The following UTRN variants were observed in gnomAD, a reference collection of about 807,000 sequenced individuals.
The protein encoded by UTRN is utrophin.
UTRN carries 283 observed loss-of-function variants against 463.9 expected under a neutral mutation model. The observed-to-expected ratio is 0.61, with a 90% CI of 0.55 to 0.67. UTRN has a LOEUF of 0.67. Among genes scored for constraint, UTRN ranks in the 30% least tolerant of loss-of-function variants. The pLI is 0.00. For missense variants in UTRN, 3,922 were observed against 4,084.3 expected, an observed-to-expected ratio of 0.96 and a Z score of 1.08; for synonymous variants, 1,442 against 1,431.5, an observed-to-expected ratio of 1.01 and a Z score of -0.17.
intron 51 of UTRN, among the ~76,000 whole-genome samples, chr6:144,677,491 AC>A (rs1781753442): frequency 6.6e-6 from 1 of 152,176 alleles, no homozygotes; most frequent in Non-Finnish European, 1.5e-5. Context: ...TATATGTGCC[AC>A]ATTTGCTTTA....
intron 25 of UTRN, 150 bp downstream of exon 25, chr6:144,474,909 AG>A: frequency 1.3e-6 from 1 of 775,144 alleles, no homozygotes. Context: ...CCAAAAAAAA[AG>A]GCATCATTTT....
intron 2 of UTRN, chr6:144,398,028 C>A: frequency 4.3e-6 from 1 of 234,290 alleles, no homozygotes; most frequent in South Asian, 7.6e-5. Context: ...GTCTCCTGCT[C>A]ACCATTGCTG....
chr6:144,580,562 A>T (rs964593771), intron 51 of UTRN, among the ~76,000 whole-genome samples: 4 of 152,114 alleles, frequency 2.6e-5, no homozygotes, highest in Non-Finnish European at 5.9e-5. Flanking sequence ...GGATTTATGT[A>T]TCTATGTTTC....
intron 62 of UTRN, among the ~76,000 whole-genome samples, chr6:144,793,011 A>G (rs1234606030): frequency 2.0e-5 from 3 of 152,176 alleles, no homozygotes; most frequent in Non-Finnish European, 2.9e-5. Flanking sequence ...ATTTGATTAA[A>G]TGTATTTCAT....
chr6:144,563,326 A>G (rs1800098057), intron 50 of UTRN, among the ~76,000 whole-genome samples: 1 of 152,134 alleles, frequency 6.6e-6, no homozygotes, highest in African/African-American at 2.4e-5. Flanking sequence ...TTCAGTAATG[A>G]TGTTTATTGT....
At chr6:144,787,847 C>T (rs569618351) in intron 61 of UTRN, among the ~76,000 whole-genome samples, 1 of 152,038 alleles carries the variant, frequency 6.6e-6, no homozygotes, top group African/African-American at 2.4e-5. Context: ...GTATTAAAAA[C>T]ATATAAGAAA....
intron 53 of UTRN, among the ~76,000 whole-genome samples, chr6:144,720,363 AT>A (rs537118005): frequency 1.3e-3 from 196 of 152,356 alleles, no homozygotes; most frequent in South Asian, 7.9e-3. Flanking sequence ...CTGTATAGAC[AT>A]TTAAAGTTGA....
intron 3 of UTRN, among the ~76,000 whole-genome samples, chr6:144,412,011 C>T (rs1456559864): frequency 2.0e-5 from 3 of 152,172 alleles, no homozygotes; most frequent in African/African-American, 2.4e-5. Flanking sequence ...CCTCATTTTA[C>T]TTTCAGTCTT....
chr6:144,537,945 G>A (rs1253741714), intron 44 of UTRN, among the ~76,000 whole-genome samples: 3 of 152,176 alleles, frequency 2.0e-5, no homozygotes, highest in South Asian at 4.1e-4. Flanking sequence ...TATGGTGTCA[G>A]TATTAGACCA....
chr6:144,651,270 TTAATTGTCCTG>T (rs879800291), intron 51 of UTRN, among the ~76,000 whole-genome samples: 20 of 152,176 alleles, frequency 1.3e-4, no homozygotes, highest in Non-Finnish European at 1.6e-4. Context: ...TAAGAAAGTC[TTAATTGTCCTG>T]TAACTAAAAC....
At chr6:144,291,639 AC>A in intron 1 of UTRN, 97 bp from the exon 2 acceptor site, 1 of 425,138 alleles carries the variant, frequency 2.4e-6, no homozygotes, top group Middle Eastern at 6.3e-4. Context: ...CGTGGTAGGC[AC>A]TCAATAAATA....
chr6:144,733,432 G>A (rs948366887), intron 54 of UTRN, among the ~76,000 whole-genome samples: 8 of 150,402 alleles, frequency 5.3e-5, no homozygotes, highest in Non-Finnish European at 7.4e-5. Context: ...CAGGGGAATC[G>A]CTTGAACCCG....
Position 144,751,791 on chromosome 6 carries a change from G to A in UTRN, c.8209-15G>A, listed in dbSNP as rs1391017209. ...ATTCGTTTCCAATAATATATTTTTT[G>A]TTCTTTTCTTCTAGGCATTTAGAGA... On this transcript the variant is annotated splice_polypyrimidine_tract_variant and intron_variant, in intron 55 of 74. Coordinates refer to ENST00000367545, the MANE Select transcript of UTRN (RefSeq NM_007124.3). The A allele has an allele frequency of 1.3e-6, 2 of 1,584,664 alleles. No homozygotes were observed. The highest frequency in any genetic ancestry group is 4.6e-5 in the East Asian group (2 of 43,928).
At chr6:144,485,578 T>TA (rs1194518079) in intron 28 of UTRN, 59 bp downstream of exon 28, 2 of 1,602,944 alleles carry the variant, frequency 1.2e-6, no homozygotes, top group East Asian at 4.5e-5. Flanking sequence ...ACACGTGTAT[T>TA]ACAATGAGGA....
intron 51 of UTRN, among the ~76,000 whole-genome samples, chr6:144,584,073 G>T (rs1304687636): frequency 6.6e-6 from 1 of 152,062 alleles, no homozygotes; most frequent in Non-Finnish European, 1.5e-5. Flanking sequence ...TTAAAAAAAT[G>T]ATCAGACTGA....
rs185967943 is a variant in UTRN at position 144,425,144 on chromosome 6, T to C, written c.405+1066T>C. The stretch of plus-strand genomic sequence containing the variant: ...TTTTGAGTCTTTGTATTTCATGATA[T>C]TGATATTTTTGAAGAGTGCTGGCTA... On this transcript the variant is annotated intron_variant, in intron 6 of 74. Coordinates refer to ENST00000367545, the MANE Select transcript of UTRN (RefSeq NM_007124.3). Among the ~76,000 whole-genome samples, 94 of 152,316 alleles carry C rather than the reference T, an allele frequency of 6.2e-4. 1 individual carries two copies. In the East Asian group the frequency reaches 0.017, roughly 27 times the overall value.
At chr6:144,512,611 T>C (rs1472880200) in intron 35 of UTRN, among the ~76,000 whole-genome samples, 6 of 151,836 alleles carry the variant, frequency 4.0e-5, no homozygotes, top group Non-Finnish European at 7.4e-5. Context: ...TGGAGTGCAG[T>C]GGTATGCAAC....
intron 25 of UTRN, among the ~76,000 whole-genome samples, chr6:144,475,284 T>G (rs1344212457): frequency 6.6e-6 from 1 of 152,160 alleles, no homozygotes; most frequent in African/African-American, 2.4e-5. Flanking sequence ...AATAAAGAAC[T>G]GAGTAAAGTA....
chr6:144,484,666 C>T (rs944445566), intron 27 of UTRN, among the ~76,000 whole-genome samples: 4 of 151,978 alleles, frequency 2.6e-5, no homozygotes, highest in Non-Finnish European at 4.4e-5. Flanking sequence ...TGGTCTTGAA[C>T]TCCTGACCTC....
Sources: gnomAD v4.1 joint callset for allele counts (sites outside exome capture counted in the v4.1 genomes callset) on GRCh38, gnomAD v4.1.1 for gene constraint, MANE v1.5 for transcripts, NCBI Gene and HGNC (gene_info 2026-07-23, HGNC 2026-07-21) for gene names.